The following ASIC2 variants were observed in gnomAD, a reference collection of about 807,000 sequenced individuals.
ASIC2 encodes acid sensing ion channel subunit 2, also known as acid-sensing ion channel 2.
In ASIC2, 25 loss-of-function variants were observed where a neutral mutation model predicts 57.3. That is an observed-to-expected ratio of 0.44 (90% CI 0.32 to 0.61). The LOEUF is 0.61. Among genes scored for constraint, ASIC2 ranks in the 20% least tolerant of loss-of-function variants. ASIC2 has a pLI of 0.06. For missense variants in ASIC2, 641 were observed against 738.1 expected, an observed-to-expected ratio of 0.87 and a Z score of 1.52; for synonymous variants, 319 against 307.5, an observed-to-expected ratio of 1.04 and a Z score of -0.39.
At chr17:33,577,211 TTAC>T (rs1321156947) in intron 1 of ASIC2, among the ~76,000 whole-genome samples, 1 of 152,180 alleles carries the variant, frequency 6.6e-6, no homozygotes, top group Non-Finnish European at 1.5e-5. Flanking sequence ...AAGCCTCCTA[TTAC>T]TGCTGCAAGG....
chr17:34,005,616 C>A (rs1252396120), intron 1 of ASIC2: 1 of 152,212 alleles, frequency 6.6e-6, no homozygotes, highest in Non-Finnish European at 1.5e-5. Context: ...CACCTCTGGG[C>A]CACCATTCAT....
intron 1 of ASIC2, among the ~76,000 whole-genome samples, chr17:33,510,896 C>T (rs1914410709): frequency 6.6e-6 from 1 of 152,210 alleles, no homozygotes; most frequent in South Asian, 2.1e-4. Context: ...CTCTCTGAGA[C>T]AGAGACCCAG....
intron 1 of ASIC2, among the ~76,000 whole-genome samples, chr17:33,841,593 C>T (rs1306418290): frequency 6.6e-6 from 1 of 152,168 alleles, no homozygotes; most frequent in African/African-American, 2.4e-5. Context: ...CAGTGAGAAA[C>T]AGGCATTAGG....
intron 1 of ASIC2, among the ~76,000 whole-genome samples, chr17:33,522,153 T>C (rs1914761925): frequency 6.6e-6 from 1 of 152,218 alleles, no homozygotes. Flanking sequence ...CTGTCACTGC[T>C]GTCCCTACCA....
chr17:33,673,347 G>T (rs1567685365), intron 1 of ASIC2, among the ~76,000 whole-genome samples: 1 of 152,176 alleles, frequency 6.6e-6, no homozygotes, highest in Non-Finnish European at 1.5e-5. Context: ...TTTCTCTTTG[G>T]GTGAGAAGAA....
intron 1 of ASIC2, among the ~76,000 whole-genome samples, chr17:33,272,650 C>T (rs1316832352): frequency 2.6e-5 from 4 of 152,178 alleles, no homozygotes; most frequent in African/African-American, 9.6e-5. Context: ...CCATCACCAA[C>T]ATTGTCATCA....
At chr17:33,798,029 A>G (rs1440743737) in intron 1 of ASIC2, among the ~76,000 whole-genome samples, 2 of 152,114 alleles carry the variant, frequency 1.3e-5, no homozygotes, top group East Asian at 3.8e-4. Context: ...AGCTGAGGAG[A>G]GAGGGCTCTA....
chr17:33,189,129 A>C (rs930349296), intron 1 of ASIC2, among the ~76,000 whole-genome samples: 1 of 152,120 alleles, frequency 6.6e-6, no homozygotes. Flanking sequence ...CTCCCTGGGG[A>C]TATCTGTCAC....
Position 33,016,703 on chromosome 17 carries a change from C to A in ASIC2, c.1522-664G>T, listed in dbSNP as rs140365503. ...AGGTCCCTACTGTGGTTCCGAGCAG[C>A]CTTTGGTCATGAACAGCCCCCTCCG... On this transcript the variant is annotated intron_variant, in intron 8 of 9. Coordinates refer to ENST00000225823, the MANE Select transcript of ASIC2 (RefSeq NM_183377.2). 1.8e-4 allele frequency among the ~76,000 whole-genome samples: 28 copies of A among 152,166 alleles called. No individual in the cohort carries two copies. In the East Asian group the frequency reaches 5.2e-3, roughly 28 times the overall value.
intron 1 of ASIC2, among the ~76,000 whole-genome samples, chr17:33,436,793 T>A (rs1409519912): frequency 2.0e-5 from 3 of 148,776 alleles, no homozygotes; most frequent in African/African-American, 7.4e-5. Context: ...AAGAACCTGC[T>A]GGGTGATCAC....
chr17:33,199,106 G>A (rs1023819952), intron 1 of ASIC2, among the ~76,000 whole-genome samples: 4 of 152,228 alleles, frequency 2.6e-5, no homozygotes, highest in African/African-American at 9.6e-5. Flanking sequence ...AGATTGCAGA[G>A]CAGGGAGCAG....
At position 33,945,991 on chromosome 17, in the gene ASIC2, A is replaced by G. The variant is rs974188372; in HGVS notation, c.555+209987T>C. Among the ~76,000 whole-genome samples, 8 of 152,322 alleles carry G rather than the reference A, an allele frequency of 5.3e-5. No individual in the cohort carries two copies. The South Asian group carries it at 1.7e-3, about 32-fold the overall frequency. ...GCTTAGGAGGCATCCTCCAGCATGC[A>G]AGATGAAAGTCAGAGACCATCAGAC... is the stretch of plus-strand genomic sequence containing the variant. On this transcript the variant is annotated intron_variant, in intron 1 of 9. Transcript: ENST00000359872.
chr17:33,431,639 A>G (rs1911424215), intron 1 of ASIC2, among the ~76,000 whole-genome samples: 1 of 152,156 alleles, frequency 6.6e-6, no homozygotes, highest in Admixed American at 6.5e-5. Context: ...CTCAGAAGAA[A>G]AGATACCATA....
chr17:33,579,406 G>A (rs906897794), intron 1 of ASIC2, among the ~76,000 whole-genome samples: 19 of 152,118 alleles, frequency 1.2e-4, no homozygotes, highest in Non-Finnish European at 7.3e-5. Flanking sequence ...TTCTGGAGGG[G>A]AAGGTAGAAA....
intron 1 of ASIC2, among the ~76,000 whole-genome samples, chr17:33,823,756 G>C (rs1912821381): frequency 6.6e-6 from 1 of 152,162 alleles, no homozygotes; most frequent in Admixed American, 6.5e-5. Context: ...TCCATACACT[G>C]TTCTTTCCAG....
chr17:33,257,406 A>G (rs1481338193), intron 1 of ASIC2, among the ~76,000 whole-genome samples: 1 of 152,240 alleles, frequency 6.6e-6, no homozygotes, highest in Non-Finnish European at 1.5e-5. Context: ...CTGTCCAAGC[A>G]TATTCTAAGA....
chr17:33,036,193 G>A (rs1043977888), intron 3 of ASIC2, among the ~76,000 whole-genome samples: 6 of 152,110 alleles, frequency 3.9e-5, no homozygotes, highest in African/African-American at 1.4e-4. Context: ...ATATTTGCAG[G>A]GCTCTTTTTT....
intron 1 of ASIC2, among the ~76,000 whole-genome samples, chr17:33,137,004 C>G (rs984929165): frequency 2.6e-5 from 4 of 152,198 alleles, no homozygotes; most frequent in Non-Finnish European, 4.4e-5. Flanking sequence ...TATCTACCAT[C>G]ACAGGACTGC....
chr17:33,292,382 C>T lies in ASIC2; in HGVS notation c.-267G>A, dbSNP rs879149486. Reference sequence around the variant, plus strand: ...CTCCCGAGCGCCTCCCAGGCTTTCCCGGCCCCTGGTCTTCCTGGAGGATGC... The same window carrying T: ...CTCCCGAGCGCCTCCCAGGCTTTCCTGGCCCCTGGTCTTCCTGGAGGATGC... On this transcript the variant is annotated 5_prime_UTR_variant, in exon 1 of 10. Coordinates refer to ENST00000225823, the MANE Select transcript of ASIC2 (RefSeq NM_183377.2). 18 of 985,866 alleles carry T rather than the reference C, an allele frequency of 1.8e-5. No individual in the cohort carries two copies. The South Asian group carries it at 6.6e-4, about 36-fold the overall frequency. 61.1% of individuals were successfully genotyped at this position (985,866 alleles called of 1,614,324 possible). A position where few individuals can be genotyped will look rare whatever the true frequency, so the allele number is the denominator to read the frequency against.
Sources: gnomAD v4.1 joint callset for allele counts (sites outside exome capture counted in the v4.1 genomes callset) on GRCh38, gnomAD v4.1.1 for gene constraint, MANE v1.5 for transcripts, NCBI Gene and HGNC (gene_info 2026-07-23, HGNC 2026-07-21) for gene names.